Variants in TSC1 observed in about 807,000 individuals in gnomAD.
The protein encoded by TSC1 is hamartin.
TSC1 carries 20 observed loss-of-function variants against 124.3 expected under a neutral mutation model. The observed-to-expected ratio is 0.16, with a 90% confidence interval of 0.11 to 0.23. The LOEUF (loss-of-function observed/expected upper bound fraction) is 0.23. Ranked by LOEUF, TSC1 falls within the 10% of genes least tolerant of loss-of-function variation. TSC1 has a pLI of 1.00. For missense variants in TSC1, 1,124 were observed against 1,448.5 expected (o/e 0.78, Z 3.64); for synonymous variants, 493 against 539.1 (o/e 0.91, Z 1.19).
chr9:132,918,799 C>T (rs1360203043), intron 8 of TSC1, among the ~76,000 whole-genome samples: 1 of 152,154 alleles, frequency 6.6e-6, no homozygotes, highest in Non-Finnish European at 1.5e-5. Context: ...AGCTCAAAGT[C>T]AACAAGTCCC....
chr9:132,921,380 A>C lies in TSC1; in HGVS notation c.720T>G (p.His240Gln), dbSNP rs779872953. Residue 240 changes from histidine to glutamine, a missense_variant, in exon 8 of 23, where the codon CAT (histidine) becomes CAG (glutamine). His to Gln is a conservative substitution (Grantham distance 24). This residue lies in a region of TSC1 where 463 missense variants were observed against 606.8 expected (regional missense o/e 0.76). Transcript: ENST00000298552. The surrounding 1 kb of genome is among the most constrained non-coding windows in gnomAD (Gnocchi z 4.3). ...HPELVTGSKD[H>Q]ELDPRRWKRL... ...TTCTATACCTTCGAGGGTCCAGTTC[A>C]TGGTCCTTGGATCCAGTCACTAATT... 1.9e-6 allele frequency: 3 copies of C among 1,614,186 alleles called. No homozygotes were observed. In the Admixed American group the frequency reaches 5.0e-5, roughly 27 times the overall value.
chr9:132,929,064 C>A, intron 2 of TSC1, 112 bp from the exon 3 acceptor site: 1 of 899,582 alleles, frequency 1.1e-6, no homozygotes, highest in Non-Finnish European at 1.6e-6. Flanking sequence ...GAAAGTTTGG[C>A]CAGAATTCTC....
intron 1 of TSC1, among the ~76,000 whole-genome samples, chr9:132,942,857 G>C (rs1278946677): frequency 6.6e-6 from 1 of 152,192 alleles, no homozygotes; most frequent in African/African-American, 2.4e-5. Flanking sequence ...AGATTCTGCA[G>C]CTCCCTAGGG....
At chr9:132,910,113 A>T (rs1845867082) in intron 12 of TSC1, 1 of 217,574 alleles carries the variant, frequency 4.6e-6, no homozygotes, top group East Asian at 1.1e-4. Flanking sequence ...AGCCTGGGCA[A>T]CATAGTGAGA....
chr9:132,943,934 T>C (rs531260435), intron 1 of TSC1: 1 of 152,306 alleles, frequency 6.6e-6, no homozygotes, highest in East Asian at 1.9e-4. Context: ...AATAGCTGTC[T>C]CTTAGGAATC....
intron 4 of TSC1, 69 bp from the exon 5 acceptor site, chr9:132,925,808 A>G: frequency 6.4e-7 from 1 of 1,572,006 alleles, no homozygotes; most frequent in Non-Finnish European, 8.7e-7. Flanking sequence ...AAAGACAGCA[A>G]TGATGTGCTC....
rs35593170 is a variant in TSC1, at chr9:132,896,406, G to A, written c.3324C>T (p.Gly1108=). Residue 1108 remains glycine (G), a synonymous_variant, in exon 23 of 23, where the codon GGC becomes GGT. Coordinates refer to ENST00000298552, the MANE Select transcript of TSC1 (RefSeq NM_000368.5). This position sits in a 1 kb window ranked among gnomAD's most constrained non-coding sequence, Gnocchi z 4.5. The stretch of plus-strand genomic sequence containing the variant: ...GGCTCTCAGAAAGGCTACTGGTCAT[G>A]CCGTCCTCATCACACTGGCTCTCGC... ...NKSESQCDED[G]MTSSLSESLK... The A allele has an allele frequency of 4.5e-3, 7,266 of 1,614,196 alleles. 439 individuals are homozygous for A. The Admixed American group carries it at 0.1, about 23-fold the overall frequency.
chr9:132,933,211 G>A (rs1371264369), intron 2 of TSC1, among the ~76,000 whole-genome samples: 2 of 152,068 alleles, frequency 1.3e-5, no homozygotes, highest in African/African-American at 2.4e-5. Flanking sequence ...GATTATAGGC[G>A]CACACCACCA....
chr9:132,917,261 T>C (rs1185604071), intron 8 of TSC1, among the ~76,000 whole-genome samples: 1 of 152,164 alleles, frequency 6.6e-6, no homozygotes. Flanking sequence ...TGGAAACTCA[T>C]ATCCTTCAAT....
chr9:132,911,589 A>C (rs7026879), intron 9 of TSC1, 21 bp from the exon 10 acceptor site: 1 of 1,175,174 alleles, frequency 8.5e-7, no homozygotes, highest in Non-Finnish European at 1.3e-6. Flanking sequence ...AGAGAAGAAC[A>C]CAGGGGGTTA....
Position 132,905,783 on chromosome 9 carries a change from C to T in TSC1, c.1795G>A (p.Gly599Arg), listed in dbSNP as rs761959210. The change falls in exon 15 of 23, where the codon GGG becomes AGG. Residue 599 changes from glycine to arginine, a missense_variant. Coordinates refer to ENST00000298552, the MANE Select transcript of TSC1 (RefSeq NM_000368.5). ...AGATGATCATACGGGGGAGGCTGCC[C>T]GCTTCCAAAGCCCACTCTCGTCGGA... Reference protein sequence around the residue: ...PPPTRVGFGSGQPPPYDHLFE... With the variant: ...PPPTRVGFGSRQPPPYDHLFE... 4.8e-5 allele frequency: 77 copies of T among 1,614,028 alleles called. No individual in the cohort carries two copies. The highest frequency in any genetic ancestry group is 5.5e-5 in the Non-Finnish European group (65 of 1,180,054).
In TSC1 at chr9:132,905,709, C is replaced by T. The variant is rs778556382; in HGVS notation, c.1869G>A (p.Lys623=). 5 of 1,614,062 alleles carry T rather than the reference C, an allele frequency of 3.1e-6. No individual in the cohort carries two copies. In the Admixed American group the frequency reaches 8.3e-5, roughly 27 times the overall value. Residue 623 remains lysine (K), a synonymous_variant, in exon 15 of 23, where the codon AAG becomes AAA. Transcript: ENST00000298552. ...TTGCTTTCTTTAACAGCTCCTCAGT[C>T]TTCCTGATGACAAAATGATGGGCTG... is the stretch of plus-strand genomic sequence containing the variant. The part of the protein sequence containing the change: ...PKTAHHFVIR[K]TEELLKKAKG...
intron 8 of TSC1, among the ~76,000 whole-genome samples, chr9:132,915,661 A>G (rs1846239993): frequency 6.6e-6 from 1 of 152,238 alleles, no homozygotes; most frequent in Non-Finnish European, 1.5e-5. Context: ...CCAAGTTTAC[A>G]GAAAACAGCA....
At position 132,891,582 on chromosome 9, in the gene TSC1, A is replaced by G. The variant is rs1265138839; in HGVS notation, c.*4653T>C. On this transcript the variant is annotated 3_prime_UTR_variant, in exon 23 of 23. Transcript: ENST00000298552. Reference sequence around the variant, plus strand: ...TTTTGACAAGAGCTGACTTTCTTCAATTTAACTAAAAGCAGTCCGTTAAAA... The same window carrying G: ...TTTTGACAAGAGCTGACTTTCTTCAGTTTAACTAAAAGCAGTCCGTTAAAA... The G allele has an allele frequency of 4.3e-6, 1 of 233,464 alleles. No homozygotes were observed. Among genetic ancestry groups the G allele is most frequent in the African/African-American group, 2.2e-5 (1 of 45,316 alleles). 14.5% of individuals were successfully genotyped at this position (233,464 alleles called of 1,614,324 possible).
At chr9:132,898,131 C>T (rs1483839780) in intron 20 of TSC1, among the ~76,000 whole-genome samples, 1 of 152,220 alleles carries the variant, frequency 6.6e-6, no homozygotes, top group Non-Finnish European at 1.5e-5. Context: ...TTCCTTTCTC[C>T]TTTTCTCCCC....
intron 9 of TSC1, among the ~76,000 whole-genome samples, chr9:132,911,838 C>T (rs954971034): frequency 6.6e-6 from 1 of 152,108 alleles, no homozygotes; most frequent in Non-Finnish European, 1.5e-5. Flanking sequence ...AAGCACAATA[C>T]AGATGACAAC....
At chr9:132,944,417 G>C in intron 1 of TSC1, 126 bp downstream of exon 1, 1 of 395,088 alleles carries the variant, frequency 2.5e-6, no homozygotes, top group Admixed American at 4.4e-5. Flanking sequence ...CCCCTTCCCC[G>C]GGATCCCTAC....
At chr9:132,910,191 C>A in intron 12 of TSC1, 1 of 428,918 alleles carries the variant, frequency 2.3e-6, no homozygotes, top group Non-Finnish European at 4.2e-6. Flanking sequence ...GTCCCAGCTA[C>A]TAGCGAGGCT....
chr9:132,904,672 GTTAGC>G (rs1176073629), intron 15 of TSC1, among the ~76,000 whole-genome samples: 1 of 152,234 alleles, frequency 6.6e-6, no homozygotes, highest in African/African-American at 2.4e-5. Context: ...GACCTGTGTT[GTTAGC>G]TTAACACAGT....
Sources: allele counts gnomAD v4.1 joint callset (sites outside exome capture counted in the v4.1 genomes callset), GRCh38; gene constraint gnomAD v4.1.1; regional missense constraint gnomAD v4.1.1; non-coding constraint Gnocchi (gnomAD v3.1); transcripts MANE v1.5; gene names NCBI Gene and HGNC (gene_info 2026-07-23, HGNC 2026-07-21).